The following CNOT3 variants were observed in gnomAD, a reference collection of about 807,000 sequenced individuals.
The protein encoded by CNOT3 is CCR4-associated factor 3.
Under a neutral mutation model 89.4 loss-of-function variants are expected in CNOT3, and 2 were observed. That is an observed-to-expected ratio of 0.02 (90% confidence interval 0.01 to 0.07). CNOT3 has a LOEUF of 0.07. Ranked by LOEUF, CNOT3 falls within the 10% of genes least tolerant of loss-of-function variation. The pLI is 1.00. For missense variants in CNOT3, 664 were observed against 1,010.2 expected (o/e 0.66, Z 4.65); for synonymous variants, 486 against 402.0 (o/e 1.21, Z -2.50).
Position 54,148,408 on chromosome 19 carries a change from G to A in CNOT3, c.1155G>A (p.Thr385=), listed in dbSNP as rs368619014. The change falls in exon 11 of 18, where the codon ACG becomes ACA. Residue 385 remains threonine (T), a synonymous_variant. Coordinates refer to ENST00000221232, the MANE Select transcript of CNOT3 (RefSeq NM_014516.4). This position sits in a 1 kb window ranked among gnomAD's most constrained non-coding sequence, Gnocchi z 6.3. ...CACCAGCTCCCAGTGGGCCCAGCAC[G>A]ACCCAGCCCCGGCCCCCCAGCGTCC... The part of the protein sequence containing the change: ...VAPPAPSGPS[T]TQPRPPSVQP... The A allele has an allele frequency of 2.0e-5, 32 of 1,562,454 alleles. No homozygotes were observed. The highest frequency in any genetic ancestry group is 2.7e-5 in the African/African-American group (2 of 73,588).
rs775671216 is a variant in CNOT3, at chr19:54,152,885, C to T, written c.1923C>T (p.Asn641=). 2.0e-6 allele frequency: 3 copies of T among 1,498,928 alleles called. No individual in the cohort carries two copies. In the Admixed American group the frequency reaches 5.7e-5, roughly 28 times the overall value. 92.9% of individuals were successfully genotyped at this position (1,498,928 alleles called of 1,614,324 possible). The change falls in exon 16 of 18, where the codon AAC becomes AAT. Residue 641 remains asparagine (N), a synonymous_variant. Transcript: ENST00000221232. ...SERIRQYLPR[N]PCPTPPYHHQ... ...CTCACAGGCAGTACCTCCCCCGGAA[C>T]CCCTGTCCGACGCCCCCCTACCACC...
intron 13 of CNOT3, among the ~76,000 whole-genome samples, chr19:54,151,834 G>A (rs2075132705): frequency 1.3e-5 from 2 of 152,206 alleles, no homozygotes; most frequent in Admixed American, 6.5e-5. Context: ...CAAGACAGGC[G>A]GGAGCTCTCC....
rs192978934 is a variant in CNOT3, at chr19:54,146,734, G to A, written c.894+77G>A. 11 of 831,564 alleles carry A rather than the reference G, an allele frequency of 1.3e-5. No homozygotes were observed. The East Asian group carries it at 1.4e-4, about 11-fold the overall frequency. The allele number at this position is 831,564 out of a possible 1,614,324, so 51.5% of individuals were successfully genotyped here. On this transcript the variant is annotated intron_variant, in intron 10 of 17. Transcript: ENST00000221232. ...CCCAAAGGCATCTTGAGGCCTGAGCGCCGGCCACTGTGCTGGGCTGGTGGA... is the reference window on the plus strand; with the variant it reads ...CCCAAAGGCATCTTGAGGCCTGAGCACCGGCCACTGTGCTGGGCTGGTGGA...
At position 54,155,304 on chromosome 19, in the gene CNOT3, G is replaced by C. The variant is rs373011690; in HGVS notation, c.2164-5G>C. 7 of 1,612,922 alleles carry C rather than the reference G, an allele frequency of 4.3e-6. No homozygotes were observed. The highest frequency in any genetic ancestry group is 5.9e-6 in the Non-Finnish European group (7 of 1,179,654). ...CACTCACTGACCGCCTTCTCCCCCG[G>C]CCAGGGCACCTACATCTACTTTGAC... On this transcript the variant is annotated splice_polypyrimidine_tract_variant and splice_region_variant and intron_variant, in intron 17 of 17. Coordinates refer to ENST00000221232, the MANE Select transcript of CNOT3 (RefSeq NM_014516.4).
chr19:54,143,891 GC>G, intron 5 of CNOT3, 114 bp from the exon 6 acceptor site: 2 of 1,498,338 alleles, frequency 1.3e-6, no homozygotes, highest in South Asian at 2.5e-5. Context: ...TGAAGAGGCA[GC>G]GGACTCAGAG....
chr19:54,155,104 G>A lies in CNOT3; in HGVS notation c.2164-205G>A, dbSNP rs749318368. On this transcript the variant is annotated intron_variant, in intron 17 of 17. Transcript: ENST00000221232. ...CGGTGGAACCTCTGCGGCCCCCTCC[G>A]TTTCCTCCTCGCTGAAGTGGCATGA... is the stretch of plus-strand genomic sequence containing the variant. 2.5e-4 allele frequency: 154 copies of A among 608,322 alleles called. 1 individual carries two copies. The highest frequency in any genetic ancestry group is 3.5e-4 in the Non-Finnish European group (126 of 358,686). The allele number at this position is 608,322 out of a possible 1,614,324, so 37.7% of individuals were successfully genotyped here. A position where few individuals can be genotyped will look rare whatever the true frequency, so the allele number is the denominator to read the frequency against.
rs2074532702 is a variant in CNOT3 at position 54,143,345 on chromosome 19, G to GGA, written c.94-96_94-95insAG. On this transcript the variant is annotated intron_variant, in intron 3 of 17. Coordinates refer to ENST00000221232, the MANE Select transcript of CNOT3 (RefSeq NM_014516.4). ...AAGATGGATTGGGGGTAGGGGTTGGGGGGGGTCCTCGAGTCCCTAGCATAA... is the reference window on the plus strand; with the variant it reads ...AAGATGGATTGGGGGTAGGGGTTGGGGAGGGGGTCCTCGAGTCCCTAGCATAA... 3 of 1,354,784 alleles carry GGA rather than the reference G, an allele frequency of 2.2e-6. No individual in the cohort carries two copies. The East Asian group carries it at 6.9e-5, about 31-fold the overall frequency. The allele number at this position is 1,354,784 out of a possible 1,614,324, so 83.9% of individuals were successfully genotyped here.
chr19:54,151,244 G>A (rs1238394972), intron 13 of CNOT3, among the ~76,000 whole-genome samples: 1 of 152,176 alleles, frequency 6.6e-6, no homozygotes, highest in Non-Finnish European at 1.5e-5. Context: ...CGGGAACCAT[G>A]GCAAGGTTTG....
chr19:54,143,978 G>GC (rs773020360), intron 5 of CNOT3, 28 bp from the exon 6 acceptor site: 34 of 1,584,074 alleles, frequency 2.1e-5, no homozygotes, highest in African/African-American at 2.8e-5. Context: ...ACCTTTGAGA[G>GC]CCCCCCTGCC....
At chr19:54,138,958 A>G (rs1304782811) in intron 1 of CNOT3, among the ~76,000 whole-genome samples, 1 of 151,886 alleles carries the variant, frequency 6.6e-6, no homozygotes, top group Non-Finnish European at 1.5e-5. Flanking sequence ...TGACTCTCCG[A>G]CCTTCTGGGT....
In CNOT3 at chr19:54,149,809, C is replaced by G. The variant is rs781557036; in HGVS notation, c.1605+51C>G. The G allele has an allele frequency of 4.1e-5, 62 of 1,519,974 alleles. 1 individual carries two copies. The highest frequency in any genetic ancestry group is 2.8e-4 in the South Asian group (23 of 80,744). 94.2% of individuals were successfully genotyped at this position (1,519,974 alleles called of 1,614,324 possible). On this transcript the variant is annotated intron_variant, in intron 13 of 17. Transcript: ENST00000221232. ...CCTCTGTGTCCTGACTCTGTTGTTT[C>G]TTTCCTCCAGGTCTCTAGCTGCACC...
chr19:54,154,214 C>T (rs1427407809), intron 17 of CNOT3: 3 of 416,942 alleles, frequency 7.2e-6, no homozygotes, highest in Admixed American at 3.1e-5. Context: ...CCTTGATGGC[C>T]CCCACTTCAC....
At position 54,137,884 on chromosome 19, in the gene CNOT3, G is replaced by A. The variant is rs1467107086; in HGVS notation, c.-160G>A. The A allele has an allele frequency of 5.3e-5, 8 of 151,770 alleles. No individual in the cohort carries two copies. Among genetic ancestry groups the A allele is most frequent in the Non-Finnish European group, 1.0e-4 (7 of 67,854 alleles). The allele number at this position is 151,770 out of a possible 1,614,324, so 9.4% of individuals were successfully genotyped here. A position where few individuals can be genotyped will look rare whatever the true frequency, so the allele number is the denominator to read the frequency against. On this transcript the variant is annotated 5_prime_UTR_variant, in exon 1 of 18. Coordinates refer to ENST00000221232, the MANE Select transcript of CNOT3 (RefSeq NM_014516.4). Reference sequence around the variant, plus strand: ...ACTCCCCCAACCCCACTTCCGCTTCGCGCCGCTATCGCGATAGCGCCCGGG... The same window carrying A: ...ACTCCCCCAACCCCACTTCCGCTTCACGCCGCTATCGCGATAGCGCCCGGG...
chr19:54,142,677 C>T (rs1310902484), intron 1 of CNOT3: 27 of 572,028 alleles, frequency 4.7e-5, no homozygotes, highest in Non-Finnish European at 5.9e-5. Flanking sequence ...TTTCCACTTC[C>T]TGAGTCAGAG....
rs760892457 is a variant in CNOT3, at chr19:54,148,437, C to G, written c.1184C>G (p.Pro395Arg). The change falls in exon 11 of 18, where the codon CCT (proline) becomes CGT (arginine). Residue 395 changes from proline (P) to arginine (R), a missense_variant. Pro to Arg is a moderately radical substitution (Grantham distance 103). Around this residue, in one of 8 missense-constraint regions of CNOT3, gnomAD observed 545 missense variants for 566.2 expected, o/e 0.96. Coordinates refer to ENST00000221232, the MANE Select transcript of CNOT3 (RefSeq NM_014516.4). This position sits in a 1 kb window ranked among gnomAD's most constrained non-coding sequence, Gnocchi z 6.3. ...TTQPRPPSVQ[P>R]SGGGGGGSGG... is the part of the protein sequence containing the mutation. ...CAGCCCCGGCCCCCCAGCGTCCAGC[C>G]TAGCGGAGGCGGAGGCGGCGGCAGC... The G allele has an allele frequency of 2.5e-6, 4 of 1,569,614 alleles. No homozygotes were observed. The South Asian group carries it at 3.6e-5, about 14-fold the overall frequency.
In CNOT3 at chr19:54,149,688, T is replaced by G. The variant is rs587755171; in HGVS notation, c.1535T>G (p.Phe512Cys). 187 of 1,614,076 alleles carry G rather than the reference T, an allele frequency of 1.2e-4. 2 individuals are homozygous for G. In the South Asian group the frequency reaches 2.0e-3, roughly 17 times the overall value. Residue 512 changes from phenylalanine (F) to cysteine (C), a missense_variant, in exon 13 of 18, where the codon TTC (phenylalanine) becomes TGC (cysteine). By Grantham distance (205) the Phe-to-Cys change is radical (BLOSUM62 -2). Around this residue, in one of 8 missense-constraint regions of CNOT3, gnomAD observed 545 missense variants for 566.2 expected, o/e 0.96. Coordinates refer to ENST00000221232, the MANE Select transcript of CNOT3 (RefSeq NM_014516.4). ...VNPPSSPTPS[F>C]SDAKAAGALL... ...CCTCCCAGCTCCCCAACGCCCAGCT[T>G]CAGTGATGCCAAGGCAGCCGGTGCC...
At chr19:54,140,778 C>T (rs36638) in intron 1 of CNOT3, among the ~76,000 whole-genome samples, 87,233 of 151,952 alleles carry the variant, frequency 0.57, 25,222 homozygotes, top group East Asian at 0.76. Context: ...TTCCCCTCCT[C>T]CTGGCTTGTG....
chr19:54,154,314 C>A (rs573044891), intron 17 of CNOT3: 5 of 308,508 alleles, frequency 1.6e-5, no homozygotes, highest in South Asian at 1.4e-4. Context: ...CTGGGAAATT[C>A]CTGCTGCTTG....
intron 1 of CNOT3, among the ~76,000 whole-genome samples, chr19:54,139,114 C>G (rs1347177117): frequency 6.6e-6 from 1 of 152,174 alleles, no homozygotes; most frequent in African/African-American, 2.4e-5. Context: ...AGCACCAGCC[C>G]CTCTTTCTGA....
Sources: gnomAD v4.1 joint callset for allele counts (sites outside exome capture counted in the v4.1 genomes callset) on GRCh38, gnomAD v4.1.1 for gene constraint, gnomAD v4.1.1 regional missense constraint, Gnocchi (gnomAD v3.1) non-coding constraint, MANE v1.5 for transcripts, NCBI Gene and HGNC (gene_info 2026-07-23, HGNC 2026-07-21) for gene names.